Variants in DNAH9 observed in about 807,000 individuals in gnomAD.
DNAH9 encodes dynein axonemal heavy chain 9, also known as DNAH9 variant protein.
DNAH9 carries 345 observed loss-of-function variants against 471.6 expected under a neutral mutation model. The ratio of observed to expected loss-of-function variants is 0.73; its 90% CI spans 0.67 to 0.80. The LOEUF (loss-of-function observed/expected upper bound fraction) is 0.80, where lower values mean the gene tolerates loss of function less well. Among genes scored for constraint, DNAH9 ranks in the 30% least tolerant of loss-of-function variants. The probability of loss-of-function intolerance (pLI) is 0.00; values close to 1 mark genes in which losing one functional copy is unlikely to be tolerated. For synonymous variants in DNAH9, 2,093 were observed against 2,123.6 expected (o/e 0.99, Z 0.40); for missense variants, 5,407 against 5,609.2 (o/e 0.96, Z 1.15).
intron 45 of DNAH9, among the ~76,000 whole-genome samples, chr17:11,815,184 T>C (rs1970053110): frequency 8.1e-6 from 1 of 122,910 alleles, no homozygotes; most frequent in South Asian, 3.2e-4. Flanking sequence ...TCTTTTCCTT[T>C]TGTGGTAATA....
intron 56 of DNAH9, among the ~76,000 whole-genome samples, chr17:11,885,708 A>G (rs1567875655): frequency 1.3e-5 from 2 of 152,192 alleles, no homozygotes; most frequent in Non-Finnish European, 2.9e-5. Flanking sequence ...TACTTTGTTA[A>G]TGGTGAGTTT....
rs569470234 is a variant in DNAH9 at position 11,878,293 on chromosome 17, G to A, written c.10479-1785G>A. Among the ~76,000 whole-genome samples the A allele has an allele frequency of 3.2e-4, 49 of 152,160 alleles. No individual in the cohort carries two copies. The South Asian group carries it at 9.5e-3, about 30-fold the overall frequency. On this transcript the variant is annotated intron_variant, in intron 53 of 68. Coordinates refer to ENST00000262442, the MANE Select transcript of DNAH9 (RefSeq NM_001372.4). ...TGTTGAATGGTTTTCTAGATTTGTT[G>A]TATATTATTTGAATACAAATGTTGC... is the stretch of plus-strand genomic sequence containing the variant.
At chr17:11,647,875 C>A (rs758731727) in intron 12 of DNAH9, among the ~76,000 whole-genome samples, 4 of 152,130 alleles carry the variant, frequency 2.6e-5, no homozygotes, top group Non-Finnish European at 4.4e-5. Flanking sequence ...TCAAACTAGG[C>A]GGGAGTGCCA....
At position 11,611,710 on chromosome 17, in the gene DNAH9, C is replaced by T. The variant is rs1342421571; in HGVS notation, c.834C>T (p.Ala278=). 1 of 1,613,830 alleles carries T rather than the reference C, an allele frequency of 6.2e-7. No individual in the cohort carries two copies. Among genetic ancestry groups the T allele is most frequent in the African/African-American group, 1.3e-5 (1 of 75,042 alleles). Residue 278 remains alanine (A), a synonymous_variant, in exon 4 of 69, where the codon GCC becomes GCT. Coordinates refer to ENST00000262442, the MANE Select transcript of DNAH9 (RefSeq NM_001372.4). Reference sequence around the variant, plus strand: ...GAACAATAACGGTGAGGGGCATGGCCAAGCTCCTGGACAAGCTTCAGAGTA... The same window carrying T: ...GAACAATAACGGTGAGGGGCATGGCTAAGCTCCTGGACAAGCTTCAGAGTA... ...QLRTITVRGM[A]KLLDKLQSSY... is the part of the protein sequence containing the mutation.
At chr17:11,836,475 A>G (rs1384955855) in intron 49 of DNAH9, among the ~76,000 whole-genome samples, 1 of 152,224 alleles carries the variant, frequency 6.6e-6, no homozygotes, top group Non-Finnish European at 1.5e-5. Context: ...AAAGAAAAAC[A>G]CAAGATTTTT....
At chr17:11,901,896 G>A (rs1973430355) in intron 59 of DNAH9, among the ~76,000 whole-genome samples, 1 of 152,198 alleles carries the variant, frequency 6.6e-6, no homozygotes, top group African/African-American at 2.4e-5. Flanking sequence ...AAAAGGATGG[G>A]AGGTCTACAT....
intron 24 of DNAH9, among the ~76,000 whole-genome samples, chr17:11,703,650 C>T (rs2074643453): frequency 6.6e-6 from 1 of 152,054 alleles, no homozygotes; most frequent in Admixed American, 6.5e-5. Flanking sequence ...ATCATATTAA[C>T]CACAATTGAA....
In DNAH9 at chr17:11,619,620, G is replaced by C. The variant is rs756930831; in HGVS notation, c.1189G>C (p.Val397Leu). The stretch of plus-strand genomic sequence containing the variant: ...AGAAAGTCAGAGAAAACTGCAAGTG[G>C]TCTCAGACACTTTGAGCTTCTTCAA... ...VEESQRKLQV[V>L]SDTLSFFKQE... The change falls in exon 6 of 69, where the codon GTC becomes CTC. Residue 397 changes from valine to leucine, a missense_variant. Val to Leu is a conservative substitution (Grantham distance 32). Transcript: ENST00000262442. 1.4e-5 allele frequency: 23 copies of C among 1,614,136 alleles called. No individual in the cohort carries two copies. Among genetic ancestry groups the C allele is most frequent in the Non-Finnish European group, 1.9e-5 (23 of 1,179,976 alleles).
intron 41 of DNAH9, among the ~76,000 whole-genome samples, chr17:11,790,135 C>T (rs934996152): frequency 2.0e-5 from 3 of 151,516 alleles, no homozygotes; most frequent in African/African-American, 7.3e-5. Context: ...TTTTTTAATG[C>T]ATTCTGCAGA....
intron 3 of DNAH9, among the ~76,000 whole-genome samples, chr17:11,610,860 A>C (rs8077060): frequency 0.086 from 13,135 of 152,190 alleles, 1,037 homozygotes; most frequent in African/African-American, 0.2. Flanking sequence ...TAACATTTTT[A>C]TTCTAACTTA....
Position 11,679,831 on chromosome 17 carries a change from A to T in DNAH9, c.3428A>T (p.Gln1143Leu). ...LLKKVEKGDF[Q>L]GLVEIMGHLM... ...AAGAAAGTTGAAAAAGGAGATTTCC[A>T]AGGCTTGGTTGAGATCATGGGACAC... The change falls in exon 18 of 69, where the codon CAA becomes CTA. Residue 1143 changes from glutamine (Q) to leucine (L), a missense_variant. This residue lies in a region of DNAH9 where 4,636 missense variants were observed against 4,900.3 expected (regional missense o/e 0.95). Coordinates refer to ENST00000262442, the MANE Select transcript of DNAH9 (RefSeq NM_001372.4). 1 of 1,614,196 alleles carries T rather than the reference A, an allele frequency of 6.2e-7. No homozygotes were observed. Among genetic ancestry groups the T allele is most frequent in the Non-Finnish European group, 8.5e-7 (1 of 1,180,016 alleles).
At chr17:11,666,106 G>A (rs912940047) in intron 15 of DNAH9, among the ~76,000 whole-genome samples, 1 of 152,160 alleles carries the variant, frequency 6.6e-6, no homozygotes, top group African/African-American at 2.4e-5. Context: ...TGGAGCCTGG[G>A]AGCAACAAGC....
At chr17:11,756,540 C>G in intron 33 of DNAH9, 28 bp from the exon 34 acceptor site, 1 of 1,365,420 alleles carries the variant, frequency 7.3e-7, no homozygotes, top group African/African-American at 1.4e-5. Context: ...TCCTTCCTCA[C>G]TGGCATGCCC....
At chr17:11,895,281 A>G (rs1252460465) in intron 59 of DNAH9, among the ~76,000 whole-genome samples, 1 of 152,208 alleles carries the variant, frequency 6.6e-6, no homozygotes, top group African/African-American at 2.4e-5. Flanking sequence ...AGCTTGCTCC[A>G]GAGTCCAGGC....
chr17:11,785,460 C>G (rs890106108), intron 41 of DNAH9, among the ~76,000 whole-genome samples: 1 of 152,100 alleles, frequency 6.6e-6, no homozygotes, highest in Non-Finnish European at 1.5e-5. Context: ...TTGAGCCAAA[C>G]CATCAAAGCT....
intron 61 of DNAH9, among the ~76,000 whole-genome samples, chr17:11,907,158 C>T (rs956186630): frequency 1.8e-4 from 27 of 152,180 alleles, no homozygotes; most frequent in African/African-American, 6.3e-4. Flanking sequence ...AGATTGTAAG[C>T]GTTTCTTATC....
intron 61 of DNAH9, among the ~76,000 whole-genome samples, chr17:11,920,874 C>T (rs1433959562): frequency 6.6e-6 from 1 of 152,124 alleles, no homozygotes; most frequent in Non-Finnish European, 1.5e-5. Context: ...GGTGCAATGG[C>T]TCATGCCTGT....
chr17:11,941,694 GGATAGATAGATAGATAGATA>G (rs58634740), intron 66 of DNAH9, among the ~76,000 whole-genome samples: 106 of 148,332 alleles, frequency 7.1e-4, no homozygotes, highest in East Asian at 2.2e-3. Context: ...GTGGATGACC[GGATAGATAGATAGATAGATA>G]GATAGATAGA....
At chr17:11,934,941 A>G (rs1794945712) in intron 65 of DNAH9, among the ~76,000 whole-genome samples, 1 of 152,136 alleles carries the variant, frequency 6.6e-6, no homozygotes, top group Admixed American at 6.5e-5. Flanking sequence ...CGTATGCCAC[A>G]GTCAGCATTC....
Sources: gnomAD v4.1 joint callset for allele counts (sites outside exome capture counted in the v4.1 genomes callset) on GRCh38, gnomAD v4.1.1 for gene constraint, gnomAD v4.1.1 regional missense constraint, MANE v1.5 for transcripts, NCBI Gene and HGNC (gene_info 2026-07-23, HGNC 2026-07-21) for gene names.